Variants in TSHZ3 observed in about 807,000 individuals in gnomAD.
TSHZ3 encodes teashirt homolog 3.
TSHZ3 carries 10 observed loss-of-function variants against 64.5 expected under a neutral mutation model. The observed-to-expected ratio is 0.16, with a 90% CI of 0.10 to 0.26. The LOEUF (loss-of-function observed/expected upper bound fraction) is 0.26. Among genes scored for constraint, TSHZ3 ranks in the 10% least tolerant of loss-of-function variants. The pLI, the probability that TSHZ3 is intolerant of heterozygous loss-of-function variation, is 1.00. For synonymous variants in TSHZ3, 608 were observed against 593.1 expected (o/e 1.03, Z -0.36); for missense variants, 1,242 against 1,421.7 (o/e 0.87, Z 2.03).
intron 3 of TSHZ3, among the ~76,000 whole-genome samples, chr19:31,239,131 A>G (rs1349175958): frequency 6.6e-6 from 1 of 151,956 alleles, no homozygotes; most frequent in Non-Finnish European, 1.5e-5. Context: ...TTCCCTTCTG[A>G]TACTTTATAC....
intron 1 of TSHZ3, among the ~76,000 whole-genome samples, chr19:31,247,916 C>T (rs989181266): frequency 5.3e-5 from 8 of 152,098 alleles, no homozygotes; most frequent in African/African-American, 1.7e-4. Flanking sequence ...CTGATAAAGA[C>T]ACATCTGAGA....
At chr19:31,305,837 A>G (rs183991064) in intron 1 of TSHZ3, 9 of 152,330 alleles carry the variant, frequency 5.9e-5, no homozygotes, top group African/African-American at 2.2e-4. Flanking sequence ...ATCTTTAACC[A>G]TCTGTTTACA....
At chr19:31,216,824 AT>A (rs1214782037) in intron 4 of TSHZ3, among the ~76,000 whole-genome samples, 1 of 150,880 alleles carries the variant, frequency 6.6e-6, no homozygotes, top group East Asian at 2.0e-4. Context: ...TTTATTTTTT[AT>A]TTTTTATTTT....
At chr19:31,219,956 G>GATCTTTGGAAAGATCAATTGATCAATTT (rs1975377902) in intron 4 of TSHZ3, among the ~76,000 whole-genome samples, 1 of 151,726 alleles carries the variant, frequency 6.6e-6, no homozygotes, top group Non-Finnish European at 1.5e-5. Flanking sequence ...TTGATCAATT[G>GATCTTTGGAAAGATCAATTGATCAATTT]ATTATTTGAT....
At chr19:31,189,909 G>A (rs998981685) in intron 5 of TSHZ3, among the ~76,000 whole-genome samples, 1 of 152,002 alleles carries the variant, frequency 6.6e-6, no homozygotes, top group African/African-American at 2.4e-5. Context: ...GATATTGTTA[G>A]TATTGCTATT....
chr19:31,279,847 G>T lies in TSHZ3; in HGVS notation c.41-95C>A. The T allele has an allele frequency of 8.7e-7, 1 of 1,144,080 alleles. No homozygotes were observed. The highest frequency in any genetic ancestry group is 1.2e-6 in the Non-Finnish European group (1 of 854,092). The allele number at this position is 1,144,080 out of a possible 1,614,324, so 70.9% of individuals were successfully genotyped here. ...AAGAAAAAAAAAAGCATTAGTACTTGTTGATCTTACCTAGAATATGTTCTG... is the reference window on the plus strand; with the variant it reads ...AAGAAAAAAAAAAGCATTAGTACTTTTTGATCTTACCTAGAATATGTTCTG... On this transcript the variant is annotated intron_variant, in intron 1 of 1. Coordinates refer to ENST00000240587, the MANE Select transcript of TSHZ3 (RefSeq NM_020856.4). This position sits in a 1 kb window ranked among gnomAD's most constrained non-coding sequence, Gnocchi z 6.4.
At position 31,277,111 on chromosome 19, in the gene TSHZ3, G is replaced by A. The variant is rs1395770156; in HGVS notation, c.2682C>T (p.Arg894=). The part of the protein sequence containing the change: ...ESTPAQKRKG[R]QSNWNPQHLL... ...GGTGCTGGGGGTTCCAGTTTGACTG[G>A]CGGCCCTTCCTCTTCTGGGCGGGCG... The change falls in exon 2 of 2, where the codon CGC becomes CGT. Residue 894 remains arginine, a synonymous_variant. Transcript: ENST00000240587. This position sits in a 1 kb window ranked among gnomAD's most constrained non-coding sequence, Gnocchi z 4.5. The A allele has an allele frequency of 6.2e-7, 1 of 1,603,696 alleles. No individual in the cohort carries two copies. The highest frequency in any genetic ancestry group is 8.5e-7 in the Non-Finnish European group (1 of 1,173,758).
chr19:31,309,299 A>G (rs1208224934), intron 1 of TSHZ3, among the ~76,000 whole-genome samples: 1 of 152,234 alleles, frequency 6.6e-6, no homozygotes, highest in Non-Finnish European at 1.5e-5. Context: ...CAGAAGGATG[A>G]AAGAGAGAGA....
exon 7 of TSHZ3, among the ~76,000 whole-genome samples, chr19:31,150,047 G>C (rs1882315235): frequency 6.6e-6 from 1 of 152,186 alleles, no homozygotes. Context: ...AAATCATGTG[G>C]AGGCTTTGAA....
intron 1 of TSHZ3, among the ~76,000 whole-genome samples, chr19:31,316,684 G>A (rs1916611318): frequency 6.6e-6 from 1 of 152,146 alleles, no homozygotes; most frequent in Non-Finnish European, 1.5e-5. Context: ...ATGGGGGAGA[G>A]GAGGGGCTGT....
At chr19:31,179,032 A>ATGAT (rs746161529) in intron 5 of TSHZ3, among the ~76,000 whole-genome samples, 2 of 149,706 alleles carry the variant, frequency 1.3e-5, no homozygotes, top group Non-Finnish European at 3.0e-5. Context: ...GATGATGATG[A>ATGAT]TGATGATGAT....
intron 1 of TSHZ3, among the ~76,000 whole-genome samples, chr19:31,339,806 A>AAG (rs1555740389): frequency 2.2e-4 from 32 of 148,630 alleles, no homozygotes; most frequent in African/African-American, 5.5e-4. Flanking sequence ...GAAAAAAAAA[A>AAG]GGGGGGGGCG....
chr19:31,349,918 C>T (rs1461198177), upstream of TSHZ3, among the ~76,000 whole-genome samples: 1 of 146,968 alleles, frequency 6.8e-6, no homozygotes, highest in Non-Finnish European at 1.5e-5. Flanking sequence ...CGCCCCCGGC[C>T]CCAGGCCCGC....
At position 31,277,337 on chromosome 19, in the gene TSHZ3, G is replaced by A. The variant is rs150738892; in HGVS notation, c.2456C>T (p.Ser819Leu). The change falls in exon 2 of 2, where the codon TCA (serine) becomes TTA (leucine). Residue 819 changes from serine to leucine, a missense_variant. Physicochemically the swap from Ser to Leu is moderately radical, Grantham distance 145. Transcript: ENST00000240587. This position sits in a 1 kb window ranked among gnomAD's most constrained non-coding sequence, Gnocchi z 4.5. ...SPTSTAPATS[S>L]STVTTAKTSA... The stretch of plus-strand genomic sequence containing the variant: ...TGTCTTTGCCGTTGTCACCGTGGAT[G>A]AGGAGGTTGCCGGGGCTGTGGACGT... The A allele has an allele frequency of 4.6e-4, 738 of 1,613,814 alleles. No homozygotes were observed. The highest frequency in any genetic ancestry group is 5.8e-4 in the Non-Finnish European group (688 of 1,179,776).
In TSHZ3 at chr19:31,330,713, G is replaced by A. The variant is rs549663216; in HGVS notation, c.40+18467C>T. ...AAGTGCTGTTTAATCCTTGGGCGGGGGGAGGAAAGTCCAGAACACCTATGG... is the reference window on the plus strand; with the variant it reads ...AAGTGCTGTTTAATCCTTGGGCGGGAGGAGGAAAGTCCAGAACACCTATGG... On this transcript the variant is annotated intron_variant, in intron 1 of 1. Transcript: ENST00000240587. 8.6e-5 allele frequency among the ~76,000 whole-genome samples: 13 copies of A among 151,880 alleles called. No homozygotes were observed. The South Asian group carries it at 2.5e-3, about 29-fold the overall frequency.
intron 1 of TSHZ3, among the ~76,000 whole-genome samples, chr19:31,303,092 A>G (rs923070728): frequency 6.6e-6 from 1 of 152,204 alleles, no homozygotes; most frequent in Non-Finnish European, 1.5e-5. Flanking sequence ...TCTTTCAAAT[A>G]CGTTTGAACA....
At chr19:31,196,633 A>G (rs904620443) in intron 5 of TSHZ3, among the ~76,000 whole-genome samples, 1 of 151,998 alleles carries the variant, frequency 6.6e-6, no homozygotes, top group Non-Finnish European at 1.5e-5. Context: ...ATGGAGAAAG[A>G]CATACCATGC....
rs1246141228 is a variant in TSHZ3 at position 31,204,790 on chromosome 19, G to T, written n.809+166C>A. On this transcript the variant is annotated intron_variant and non_coding_transcript_variant, in intron 5 of 6. Coordinates refer to the TSHZ3 transcript ENST00000651361. ...CACATTGCCTGGTGCCCTGTCCAGCGCTGCAAGGTGCACTGCGTCTCCTCT... is the reference window on the plus strand; with the variant it reads ...CACATTGCCTGGTGCCCTGTCCAGCTCTGCAAGGTGCACTGCGTCTCCTCT... The T allele has an allele frequency of 2.0e-5, 3 of 152,298 alleles. No homozygotes were observed. In the East Asian group the frequency reaches 5.8e-4, roughly 30 times the overall value. The allele number at this position is 152,298 out of a possible 1,614,324, so 9.4% of individuals were successfully genotyped here. A position where few individuals can be genotyped will look rare whatever the true frequency, so the allele number is the denominator to read the frequency against.
chr19:31,214,522 A>G (rs1387639529), intron 4 of TSHZ3, among the ~76,000 whole-genome samples: 1 of 152,226 alleles, frequency 6.6e-6, no homozygotes, highest in African/African-American at 2.4e-5. Flanking sequence ...GACTGCATTC[A>G]TACCTGGATA....
Sources: allele counts gnomAD v4.1 joint callset (sites outside exome capture counted in the v4.1 genomes callset), GRCh38; gene constraint gnomAD v4.1.1; non-coding constraint Gnocchi (gnomAD v3.1); transcripts MANE v1.5; gene names NCBI Gene and HGNC (gene_info 2026-07-23, HGNC 2026-07-21).